Variants in IPP observed in about 807,000 individuals in gnomAD.
IPP encodes actin-binding protein IPP.
In IPP, 41 loss-of-function variants were observed where a neutral mutation model predicts 64.1. The observed-to-expected ratio is 0.64, with a 90% CI of 0.50 to 0.83. IPP has a LOEUF of 0.83. Ranked by LOEUF, IPP falls within the 40% of genes least tolerant of loss-of-function variation. The probability of loss-of-function intolerance (pLI) is 0.00; values close to 1 mark genes in which losing one functional copy is unlikely to be tolerated. For synonymous variants in IPP, 214 were observed against 235.2 expected (o/e 0.91, Z 0.83); for missense variants, 649 against 703.0 (o/e 0.92, Z 0.87).
chr1:45,710,003 G>A (rs1277484953), intron 8 of IPP, among the ~76,000 whole-genome samples: 2 of 52,286 alleles, frequency 3.8e-5, no homozygotes, highest in Admixed American at 2.0e-4. Flanking sequence ...AGCACTTTGG[G>A]AGGCTGAGGA....
intron 3 of IPP, among the ~76,000 whole-genome samples, chr1:45,733,827 G>A (rs1570026568): frequency 6.7e-6 from 1 of 149,648 alleles, no homozygotes; most frequent in East Asian, 1.9e-4. Context: ...GTAAGACTCC[G>A]TCTCAAAAAA....
At chr1:45,724,552 G>A (rs568760272) in intron 5 of IPP, among the ~76,000 whole-genome samples, 38 of 144,132 alleles carry the variant, frequency 2.6e-4, no homozygotes, top group East Asian at 6.4e-4. Flanking sequence ...CTTCCCCGCC[G>A]CCATCCCATC....
chr1:45,737,312 T>C (rs1645995129), intron 3 of IPP, among the ~76,000 whole-genome samples: 1 of 152,138 alleles, frequency 6.6e-6, no homozygotes, highest in African/African-American at 2.4e-5. Context: ...TATTCCTTAT[T>C]TGTGAATATA....
intron 3 of IPP, among the ~76,000 whole-genome samples, chr1:45,733,905 T>G (rs1170373088): frequency 6.6e-6 from 1 of 150,552 alleles, no homozygotes; most frequent in Non-Finnish European, 1.5e-5. Flanking sequence ...AATTCTCAAA[T>G]ATGAAGGAAT....
intron 3 of IPP, among the ~76,000 whole-genome samples, chr1:45,740,446 G>A (rs1314458629): frequency 5.3e-4 from 80 of 151,652 alleles, no homozygotes; most frequent in East Asian, 9.8e-4. Context: ...CTGGCCGGGC[G>A]GGGGGCTGAA....
Position 45,699,870 on chromosome 1 carries a change from A to T in IPP, c.*96T>A. On this transcript the variant is annotated 3_prime_UTR_variant, in exon 9 of 9. Transcript: ENST00000396478. ...TACCAAATACATGGAAAACTCACAG[A>T]ATCAGAGGGTCTTATCACCAAATCT... 6.5e-7 allele frequency: 1 copy of T among 1,534,782 alleles called. No homozygotes were observed. The highest frequency in any genetic ancestry group is 8.7e-7 in the Non-Finnish European group (1 of 1,143,830).
intron 3 of IPP, among the ~76,000 whole-genome samples, chr1:45,732,705 C>T (rs901355692): frequency 3.9e-5 from 6 of 152,064 alleles, no homozygotes; most frequent in Non-Finnish European, 5.9e-5. Context: ...CTAGCTCTGT[C>T]GCCCAGGCTG....
chr1:45,747,274 T>A lies in IPP; in HGVS notation c.-50-813A>T, dbSNP rs78229039. Among the ~76,000 whole-genome samples, 4 of 148,394 alleles carry A rather than the reference T, an allele frequency of 2.7e-5. No individual in the cohort carries two copies. The East Asian group carries it at 5.9e-4, about 22-fold the overall frequency. ...AGAAATAACAACAGCTTAGGTTGGGTTTTTTTTTTAACTTTTAACTTCTCC... is the reference window on the plus strand; with the variant it reads ...AGAAATAACAACAGCTTAGGTTGGGATTTTTTTTTAACTTTTAACTTCTCC... On this transcript the variant is annotated intron_variant, in intron 1 of 8. Coordinates refer to ENST00000396478, the MANE Select transcript of IPP (RefSeq NM_005897.3).
chr1:45,740,815 C>A, intron 3 of IPP, 86 bp downstream of exon 3: 3 of 848,644 alleles, frequency 3.5e-6, no homozygotes, highest in South Asian at 2.2e-5. Flanking sequence ...GTTACTGAAC[C>A]AAAAAATGAA....
At chr1:45,714,075 T>C (rs182268277) in intron 8 of IPP, among the ~76,000 whole-genome samples, 171 bp downstream of exon 8, 27 of 150,986 alleles carry the variant, frequency 1.8e-4, no homozygotes, top group Admixed American at 1.6e-3. Context: ...AAACAGAAAA[T>C]TGACAATAGA....
chr1:45,727,941 A>G, intron 4 of IPP, 143 bp from the exon 5 acceptor site: 1 of 547,582 alleles, frequency 1.8e-6, no homozygotes, highest in Non-Finnish European at 2.8e-6. Context: ...AAATTTGCCA[A>G]TTCCTGAAAG....
chr1:45,737,973 CTTT>C (rs1646002524), intron 3 of IPP, among the ~76,000 whole-genome samples: 1 of 152,120 alleles, frequency 6.6e-6, no homozygotes, highest in Non-Finnish European at 1.5e-5. Flanking sequence ...AATTGTTCTA[CTTT>C]ATTATTAGCT....
At chr1:45,740,553 AC>A (rs534981654) in intron 3 of IPP, among the ~76,000 whole-genome samples, 7 of 151,894 alleles carry the variant, frequency 4.6e-5, no homozygotes, top group Non-Finnish European at 1.0e-4. Context: ...CGGGGGGCTG[AC>A]CCCCCCTAGG....
At chr1:45,704,132 G>C (rs1318309069) in intron 8 of IPP, among the ~76,000 whole-genome samples, 2 of 152,156 alleles carry the variant, frequency 1.3e-5, no homozygotes, top group African/African-American at 4.8e-5. Flanking sequence ...GTGACTGGAT[G>C]GGTCACTGGA....
chr1:45,740,442 G>T lies in IPP; in HGVS notation c.724+459C>A, dbSNP rs535032536. Among the ~76,000 whole-genome samples, 17 of 152,204 alleles carry T rather than the reference G, an allele frequency of 1.1e-4. No homozygotes were observed. The South Asian group carries it at 3.3e-3, about 30-fold the overall frequency. On this transcript the variant is annotated intron_variant, in intron 3 of 8. Transcript: ENST00000396478. ...CACCTCCCGGACGGGGCGGCTGGCC[G>T]GGCGGGGGGCTGAACCCCCCATCTC...
chr1:45,707,716 T>C (rs900427148), intron 8 of IPP, among the ~76,000 whole-genome samples: 19 of 152,222 alleles, frequency 1.2e-4, no homozygotes, highest in Admixed American at 7.9e-4. Flanking sequence ...AGAGCCTCAA[T>C]GGCTGTGGGA....
intron 1 of IPP, among the ~76,000 whole-genome samples, chr1:45,748,283 AATT>A (rs1229756240): frequency 6.6e-6 from 1 of 152,176 alleles, no homozygotes; most frequent in African/African-American, 2.4e-5. Context: ...AATATAAAAC[AATT>A]ATTATGTGCC....
In IPP at chr1:45,746,375, G is replaced by A. The variant is rs747015748; in HGVS notation, c.37C>T (p.Pro13Ser). The change falls in exon 2 of 9, where the codon CCT (proline) becomes TCT (serine). Residue 13 changes from proline (P) to serine (S), a missense_variant. Physicochemically the swap from Pro to Ser is moderately conservative, Grantham distance 74. Coordinates refer to ENST00000396478, the MANE Select transcript of IPP (RefSeq NM_005897.3). ...TGGGCATGTTTATCTGATGAAAAAG[G>A]ACTATCAGCAGCCTTGGGACAGTCC... ...NEDCPKAADSPFSSDKHAQLI... is the reference protein window; with the variant it reads ...NEDCPKAADSSFSSDKHAQLI... The A allele has an allele frequency of 6.2e-7, 1 of 1,613,654 alleles. No individual in the cohort carries two copies. Among genetic ancestry groups the A allele is most frequent in the Non-Finnish European group, 8.5e-7 (1 of 1,179,736 alleles).
chr1:45,740,365 G>A (rs1646043600), intron 3 of IPP, among the ~76,000 whole-genome samples: 1 of 152,192 alleles, frequency 6.6e-6, no homozygotes, highest in African/African-American at 2.4e-5. Flanking sequence ...GTGGTGGCTG[G>A]GCAGAGGGGC....
Sources: allele counts gnomAD v4.1 joint callset (sites outside exome capture counted in the v4.1 genomes callset), GRCh38; gene constraint gnomAD v4.1.1; transcripts MANE v1.5; gene names NCBI Gene and HGNC (gene_info 2026-07-23, HGNC 2026-07-21).